ANKFN1: variants seen among roughly 807,000 people sequenced by gnomAD.
ANKFN1 encodes the protein ankyrin repeat and fibronectin type-III domain-containing protein 1.
Under a neutral mutation model 108.7 loss-of-function variants are expected in ANKFN1, and 74 were observed. That is an observed-to-expected ratio of 0.68 (90% CI 0.56 to 0.83). The LOEUF (loss-of-function observed/expected upper bound fraction) is 0.83. Among genes scored for constraint, ANKFN1 ranks in the 40% least tolerant of loss-of-function variants. The pLI is 0.00. For missense variants in ANKFN1, 1,505 were observed against 1,382.3 expected (o/e 1.09, Z -1.41); for synonymous variants, 547 against 516.2 (o/e 1.06, Z -0.81).
intron 4 of ANKFN1, among the ~76,000 whole-genome samples, chr17:56,094,063 AC>A (rs1379437395): frequency 6.6e-6 from 1 of 151,314 alleles, no homozygotes; most frequent in African/African-American, 2.4e-5. Flanking sequence ...ACACCGTATG[AC>A]CATAAAGGCA....
chr17:56,181,846 T>C (rs1362564283), intron 1 of ANKFN1, among the ~76,000 whole-genome samples: 5 of 152,204 alleles, frequency 3.3e-5, no homozygotes, highest in Non-Finnish European at 4.4e-5. Context: ...AACCCTGCAG[T>C]GAGCCTATGG....
chr17:56,361,957 T>C (rs1383084093), intron 6 of ANKFN1, among the ~76,000 whole-genome samples: 1 of 151,986 alleles, frequency 6.6e-6, no homozygotes, highest in Non-Finnish European at 1.5e-5. Context: ...AGAAGTGACA[T>C]AGTGTCATTT....
chr17:56,053,317 C>T (rs59112167), intron 4 of ANKFN1, among the ~76,000 whole-genome samples: 1 of 152,134 alleles, frequency 6.6e-6, no homozygotes, highest in African/African-American at 2.4e-5. Flanking sequence ...TTCCCAGCCT[C>T]TGGTAACTAT....
intron 3 of ANKFN1, among the ~76,000 whole-genome samples, chr17:56,235,847 G>A (rs1007954330): frequency 1.1e-4 from 16 of 151,840 alleles, no homozygotes; most frequent in African/African-American, 3.6e-4. Context: ...ACTCTTTTTT[G>A]GTTCCATATG....
chr17:56,201,594 G>A (rs532893767), intron 1 of ANKFN1, among the ~76,000 whole-genome samples: 3 of 152,002 alleles, frequency 2.0e-5, no homozygotes, highest in Non-Finnish European at 4.4e-5. Flanking sequence ...ATAGAAAAAT[G>A]TGTTCATACC....
chr17:56,121,523 G>A (rs560354261), intron 4 of ANKFN1, among the ~76,000 whole-genome samples: 101 of 152,002 alleles, frequency 6.6e-4, no homozygotes, highest in African/African-American at 2.3e-3. Context: ...ATTATACGGG[G>A]ACTTTTGCTC....
chr17:56,263,135 G>A (rs1185653677), intron 3 of ANKFN1, among the ~76,000 whole-genome samples: 2 of 152,204 alleles, frequency 1.3e-5, no homozygotes, highest in South Asian at 2.1e-4. Context: ...AGACGAACAA[G>A]TTCACAGGCC....
intron 6 of ANKFN1, among the ~76,000 whole-genome samples, chr17:56,360,487 T>C (rs1002936384): frequency 6.6e-6 from 1 of 152,188 alleles, no homozygotes; most frequent in African/African-American, 2.4e-5. Context: ...TTTTTCTCAA[T>C]GTTTTTATTT....
At chr17:56,491,375 A>G (rs1490755374) in intron 18 of ANKFN1, among the ~76,000 whole-genome samples, 2 of 152,170 alleles carry the variant, frequency 1.3e-5, no homozygotes, top group Non-Finnish European at 2.9e-5. Flanking sequence ...TCATCCTACT[A>G]GAATCCAAAG....
intron 18 of ANKFN1, among the ~76,000 whole-genome samples, chr17:56,489,397 A>G (rs1009266394): frequency 2.0e-5 from 3 of 152,078 alleles, no homozygotes; most frequent in South Asian, 4.1e-4. Flanking sequence ...GCTAAACCAC[A>G]AAAGACTATG....
chr17:56,491,332 A>C (rs2051032169), intron 18 of ANKFN1, among the ~76,000 whole-genome samples: 1 of 152,186 alleles, frequency 6.6e-6, no homozygotes, highest in Admixed American at 6.5e-5. Flanking sequence ...GGAAGAAACC[A>C]GTACTATGAT....
chr17:56,467,791 G>GAAGAAAGAAAGAAAGAAAGA (rs1555660585), intron 15 of ANKFN1, among the ~76,000 whole-genome samples: 1 of 55,024 alleles, frequency 1.8e-5, no homozygotes, highest in Non-Finnish European at 4.1e-5. Context: ...AAGAAAGAAA[G>GAAGAAAGAAAGAAAGAAAGA]AAGAAAGAAA....
chr17:56,170,774 T>TTATATATATA (rs60304505), intron 1 of ANKFN1, among the ~76,000 whole-genome samples: 49 of 68,074 alleles, frequency 7.2e-4, no homozygotes, highest in African/African-American at 1.7e-3. Flanking sequence ...AAAAAATTTT[T>TTATATATATA]TATATATATA....
intron 4 of ANKFN1, among the ~76,000 whole-genome samples, chr17:56,101,943 G>C (rs1905655759): frequency 6.6e-6 from 1 of 152,124 alleles, no homozygotes; most frequent in South Asian, 2.1e-4. Context: ...TCACAGTAAT[G>C]TTTGAGAAGC....
chr17:56,122,422 T>C (rs1906679379), intron 4 of ANKFN1, among the ~76,000 whole-genome samples: 1 of 152,232 alleles, frequency 6.6e-6, no homozygotes, highest in Non-Finnish European at 1.5e-5. Context: ...TTTCTATGTA[T>C]ATTTGTCTTG....
intron 8 of ANKFN1, among the ~76,000 whole-genome samples, chr17:56,438,673 C>T (rs1047127357): frequency 5.3e-5 from 8 of 152,152 alleles, no homozygotes; most frequent in African/African-American, 1.7e-4. Flanking sequence ...AATCCTCCCA[C>T]CTCAGCCTCC....
At chr17:56,428,482 A>C (rs2048649946) in intron 8 of ANKFN1, among the ~76,000 whole-genome samples, 1 of 129,402 alleles carries the variant, frequency 7.7e-6, no homozygotes, top group South Asian at 2.4e-4. Flanking sequence ...TTTTTTTGAG[A>C]TGGTGTGTCT....
intron 8 of ANKFN1, among the ~76,000 whole-genome samples, chr17:56,421,456 T>C (rs2048402566): frequency 6.6e-6 from 1 of 152,212 alleles, no homozygotes. Context: ...ATTCAATGAA[T>C]AGGGCACAAA....
chr17:56,147,106 A>G (rs1043945124), intron 4 of ANKFN1, among the ~76,000 whole-genome samples: 4 of 152,128 alleles, frequency 2.6e-5, no homozygotes, highest in Non-Finnish European at 5.9e-5. Context: ...ATTTCCCAAC[A>G]AGTTCCTCAT....
Sources: gnomAD v4.1 joint callset for allele counts (sites outside exome capture counted in the v4.1 genomes callset) on GRCh38, gnomAD v4.1.1 for gene constraint, MANE v1.5 for transcripts, NCBI Gene and HGNC (gene_info 2026-07-23, HGNC 2026-07-21) for gene names.